The following HTRA1 variants were observed in gnomAD, a reference collection of about 807,000 sequenced individuals.
HTRA1 encodes serine protease HTRA1.
HTRA1 carries 26 observed loss-of-function variants against 49.7 expected under a neutral mutation model. That is an observed-to-expected ratio of 0.52 (90% CI 0.38 to 0.73). The LOEUF is 0.73. Ranked by LOEUF, HTRA1 falls within the 30% of genes least tolerant of loss-of-function variation. The pLI is 0.00. For synonymous variants in HTRA1, 291 were observed against 286.9 expected (o/e 1.01, Z -0.14); for missense variants, 561 against 667.2 (o/e 0.84, Z 1.75).
chr10:122,476,716 C>T (rs1028958605), intron 1 of HTRA1, among the ~76,000 whole-genome samples: 2 of 152,148 alleles, frequency 1.3e-5, no homozygotes, highest in East Asian at 1.9e-4. Context: ...GGGGGCCTTC[C>T]GCTGGGACAG....
intron 1 of HTRA1, among the ~76,000 whole-genome samples, chr10:122,485,452 C>T (rs1385979587): frequency 2.0e-5 from 3 of 152,186 alleles, no homozygotes; most frequent in African/African-American, 7.2e-5. Context: ...CTGCAGCACG[C>T]TGGGGAGAGG....
chr10:122,496,930 T>C (rs1247334993), intron 3 of HTRA1, among the ~76,000 whole-genome samples: 2 of 152,238 alleles, frequency 1.3e-5, no homozygotes, highest in Non-Finnish European at 2.9e-5. Context: ...TTCCTACTCA[T>C]ACTCTGGAAA....
At chr10:122,492,233 C>T (rs1367607467) in intron 3 of HTRA1, among the ~76,000 whole-genome samples, 1 of 152,186 alleles carries the variant, frequency 6.6e-6, no homozygotes, top group Non-Finnish European at 1.5e-5. Flanking sequence ...TCCGTGGGCC[C>T]AGTGACTAAC....
intron 1 of HTRA1, among the ~76,000 whole-genome samples, chr10:122,486,437 T>C (rs966986376): frequency 1.3e-5 from 2 of 152,200 alleles, no homozygotes; most frequent in African/African-American, 4.8e-5. Context: ...AAGGAGATGA[T>C]TCCAATCTTT....
At chr10:122,511,843 A>G (rs1022680658) in intron 7 of HTRA1, 127 bp from the exon 8 acceptor site, 1 of 702,986 alleles carries the variant, frequency 1.4e-6, no homozygotes, top group Non-Finnish European at 2.6e-6. Flanking sequence ...TTAAAATAGG[A>G]TCAGAATTCC....
Position 122,492,147 on chromosome 10 carries a change from A to G in HTRA1, c.777+2521A>G, listed in dbSNP as rs181574117. On this transcript the variant is annotated intron_variant, in intron 3 of 8. Coordinates refer to ENST00000368984, the MANE Select transcript of HTRA1 (RefSeq NM_002775.5). ...AAAATCACCTACACGGCTCCTTGTC[A>G]TATGAGACTGTGGCCCAGCCTCCTG... is the stretch of plus-strand genomic sequence containing the variant. Among the ~76,000 whole-genome samples, 264 of 152,154 alleles carry G rather than the reference A, an allele frequency of 1.7e-3. 3 individuals carry two copies. The highest frequency in any genetic ancestry group is 6.8e-3 in the Middle Eastern group (2 of 294).
chr10:122,463,482 G>T (rs530507556), intron 1 of HTRA1, among the ~76,000 whole-genome samples: 3 of 152,302 alleles, frequency 2.0e-5, no homozygotes, highest in African/African-American at 7.2e-5. Context: ...GGTCAAACGA[G>T]GAGGCAGTTG....
At chr10:122,484,256 G>A (rs1339627975) in intron 1 of HTRA1, among the ~76,000 whole-genome samples, 1 of 152,156 alleles carries the variant, frequency 6.6e-6, no homozygotes. Flanking sequence ...CCTTCTTCAG[G>A]TTGGTTGCTT....
chr10:122,513,458 A>G (rs1163973006), intron 8 of HTRA1, among the ~76,000 whole-genome samples: 1 of 152,050 alleles, frequency 6.6e-6, no homozygotes, highest in Admixed American at 6.6e-5. Context: ...CACAAGTGTT[A>G]GTAGGCATTT....
chr10:122,506,682 T>C lies in HTRA1; in HGVS notation c.778-9T>C, dbSNP rs765778614. ...ACCAACTCAGCAACGCCAGCCATTG[T>C]GGTTTCAGGGCAAGCTGCCTGTCCT... On this transcript the variant is annotated splice_polypyrimidine_tract_variant and intron_variant, in intron 3 of 8. Transcript: ENST00000368984. The surrounding 1 kb of genome is among the most constrained non-coding windows in gnomAD (Gnocchi z 5.2). 3.7e-6 allele frequency: 6 copies of C among 1,611,216 alleles called. No homozygotes were observed. The highest frequency in any genetic ancestry group is 5.1e-6 in the Non-Finnish European group (6 of 1,179,666).
At chr10:122,469,348 C>A (rs969012757) in intron 1 of HTRA1, among the ~76,000 whole-genome samples, 3 of 152,172 alleles carry the variant, frequency 2.0e-5, no homozygotes, top group African/African-American at 7.2e-5. Flanking sequence ...AGAGCTGTCT[C>A]TTTGGTGCCA....
At chr10:122,466,102 T>A (rs949586909) in intron 1 of HTRA1, among the ~76,000 whole-genome samples, 1 of 152,152 alleles carries the variant, frequency 6.6e-6, no homozygotes, top group Non-Finnish European at 1.5e-5. Context: ...TGTATGTACA[T>A]ACCTGGTGAA....
rs1330983382 is a variant in HTRA1 at position 122,489,666 on chromosome 10, C to G, written c.777+40C>G. 1.9e-6 allele frequency: 3 copies of G among 1,568,972 alleles called. No homozygotes were observed. The Admixed American group carries it at 5.1e-5, about 27-fold the overall frequency. On this transcript the variant is annotated intron_variant, in intron 3 of 8. Transcript: ENST00000368984. ...GCCTGCAGAGGTGAGTTCTCAGATG[C>G]CCCGGAACACCCTTGGCAAAGGCAC...
chr10:122,510,020 G>A, intron 6 of HTRA1, 76 bp from the exon 7 acceptor site: 1 of 1,294,702 alleles, frequency 7.7e-7, no homozygotes, highest in Non-Finnish European at 1.1e-6. Context: ...TGGGGGATTG[G>A]GCCCCCGGCC....
intron 1 of HTRA1, among the ~76,000 whole-genome samples, chr10:122,477,548 C>T (rs993188185): frequency 3.3e-5 from 5 of 152,126 alleles, no homozygotes; most frequent in Non-Finnish European, 7.4e-5. Flanking sequence ...TGAGCCATTC[C>T]CAAAGATTAT....
chr10:122,514,545 G>T lies in HTRA1; in HGVS notation c.*186G>T. The T allele has an allele frequency of 1.6e-6, 1 of 640,196 alleles. No homozygotes were observed. Among genetic ancestry groups the T allele is most frequent in the East Asian group, 2.8e-5 (1 of 35,598 alleles). The allele number at this position is 640,196 out of a possible 1,614,324, so 39.7% of individuals were successfully genotyped here. On this transcript the variant is annotated 3_prime_UTR_variant, in exon 9 of 9. Coordinates refer to ENST00000368984, the MANE Select transcript of HTRA1 (RefSeq NM_002775.5). ...CAGGCAAAACAAATGTAATGTTGCA[G>T]ATCCGCAGGCAGAAGCTCTGCCCTT...
rs570913832 is a variant in HTRA1, at chr10:122,500,388, C to G, written c.778-6303C>G. Among the ~76,000 whole-genome samples the G allele has an allele frequency of 4.5e-4, 69 of 152,290 alleles. 2 individuals are homozygous for G. Among genetic ancestry groups the G allele is most frequent in the Admixed American group, 4.5e-3 (69 of 15,284 alleles). On this transcript the variant is annotated intron_variant, in intron 3 of 8. Coordinates refer to ENST00000368984, the MANE Select transcript of HTRA1 (RefSeq NM_002775.5). ...GCTAATGGATTTTTTGGAAAGCAAC[C>G]AGGTTTTCCGTAAAGAATAGCTAAT... is the stretch of plus-strand genomic sequence containing the variant.
intron 1 of HTRA1, among the ~76,000 whole-genome samples, chr10:122,463,218 G>A (rs1213043982): frequency 1.3e-5 from 2 of 152,244 alleles, no homozygotes; most frequent in African/African-American, 4.8e-5. Flanking sequence ...ATATGGTTCG[G>A]TGTGACCAAC....
chr10:122,507,958 G>T (rs1012020551), intron 5 of HTRA1, among the ~76,000 whole-genome samples: 1 of 150,028 alleles, frequency 6.7e-6, no homozygotes, highest in Non-Finnish European at 1.5e-5. Context: ...CTAGAGGGCA[G>T]CTCTGGGGCC....
Sources: allele counts gnomAD v4.1 joint callset (sites outside exome capture counted in the v4.1 genomes callset), GRCh38; gene constraint gnomAD v4.1.1; non-coding constraint Gnocchi (gnomAD v3.1); transcripts MANE v1.5; gene names NCBI Gene and HGNC (gene_info 2026-07-23, HGNC 2026-07-21).